MAD1L1: variants seen among roughly 807,000 people sequenced by gnomAD.
MAD1L1 encodes the protein mitotic arrest deficient 1 like 1, also known as mitotic spindle assembly checkpoint protein MAD1.
A neutral mutation model predicts 96.9 loss-of-function variants in MAD1L1; 95 were observed. That is an observed-to-expected ratio of 0.98 (90% CI 0.83 to 1.16). The LOEUF (loss-of-function observed/expected upper bound fraction) is 1.16, where lower values mean the gene tolerates loss of function less well. Ranked by LOEUF, MAD1L1 falls within the 50% of genes most tolerant of loss-of-function variation. The pLI is 0.00. For missense variants in MAD1L1, 1,007 were observed against 954.4 expected (o/e 1.06, Z -0.73); for synonymous variants, 473 against 396.6 (o/e 1.19, Z -2.29).
intron 11 of MAD1L1, among the ~76,000 whole-genome samples, chr7:2,082,048 GAA>G (rs1211058357): frequency 6.6e-6 from 1 of 152,178 alleles, no homozygotes; most frequent in Admixed American, 6.5e-5. Flanking sequence ...GAAGTGACAA[GAA>G]GAGATGTCAA....
At chr7:1,852,182 T>A (rs1784013400) in intron 18 of MAD1L1, among the ~76,000 whole-genome samples, 1 of 152,122 alleles carries the variant, frequency 6.6e-6, no homozygotes, top group Non-Finnish European at 1.5e-5. Context: ...GGACACAGGT[T>A]GGGATGGACG....
At chr7:2,105,790 A>C (rs1860829) in intron 11 of MAD1L1, among the ~76,000 whole-genome samples, 108,290 of 151,800 alleles carry the variant, frequency 0.71, 39,062 homozygotes, top group African/African-American at 0.79. Flanking sequence ...AAACCCCAGT[A>C]CCACCAGCTC....
intron 10 of MAD1L1, among the ~76,000 whole-genome samples, chr7:2,180,556 G>A (rs1791154480): frequency 6.6e-6 from 1 of 152,190 alleles, no homozygotes; most frequent in African/African-American, 2.4e-5. Context: ...GTGAGGTTTT[G>A]TAATAAAAAT....
At chr7:2,222,833 T>A in intron 4 of MAD1L1, 79 bp from the exon 5 acceptor site, 1 of 1,192,092 alleles carries the variant, frequency 8.4e-7, no homozygotes, top group Non-Finnish European at 1.2e-6. Context: ...CACACCTCTC[T>A]CAGAACATGC....
intron 16 of MAD1L1, chr7:1,939,995 C>CT (rs1321375432): frequency 6.6e-6 from 1 of 152,564 alleles, no homozygotes; most frequent in Non-Finnish European, 1.5e-5. Context: ...ACCCCGGACT[C>CT]TAAGACATCC....
chr7:2,121,602 T>G (rs1349802314), intron 11 of MAD1L1, among the ~76,000 whole-genome samples: 1 of 152,154 alleles, frequency 6.6e-6, no homozygotes, highest in African/African-American at 2.4e-5. Context: ...AGGACTATGC[T>G]GCAGATCACG....
At chr7:2,038,070 G>C (rs973369707) in intron 12 of MAD1L1, among the ~76,000 whole-genome samples, 1 of 152,214 alleles carries the variant, frequency 6.6e-6, no homozygotes, top group South Asian at 2.1e-4. Context: ...CGATAAGAAA[G>C]TGAAACTGTC....
intron 18 of MAD1L1, among the ~76,000 whole-genome samples, chr7:1,869,146 C>T (rs886160543): frequency 4.0e-4 from 61 of 152,256 alleles, no homozygotes; most frequent in African/African-American, 1.4e-3. Flanking sequence ...TCGCCCGCCC[C>T]CATGGCTGCC....
chr7:2,184,242 ACT>A (rs1791352128), intron 10 of MAD1L1, among the ~76,000 whole-genome samples: 1 of 151,816 alleles, frequency 6.6e-6, no homozygotes, highest in Admixed American at 6.6e-5. Flanking sequence ...ACAGAGCGAG[ACT>A]CTGTCTCAAA....
chr7:1,949,707 C>T (rs2128470627), intron 16 of MAD1L1, among the ~76,000 whole-genome samples: 1 of 152,344 alleles, frequency 6.6e-6, no homozygotes, highest in Admixed American at 6.5e-5. Flanking sequence ...GCAGATACGC[C>T]CAGGAACCAA....
In MAD1L1 at chr7:2,163,271, T is replaced by C. The variant is rs367927053; in HGVS notation, c.987-14033A>G. Among the ~76,000 whole-genome samples, 257 of 151,956 alleles carry C rather than the reference T, an allele frequency of 1.7e-3. 2 individuals carry two copies. Among genetic ancestry groups the C allele is most frequent in the African/African-American group, 5.6e-3 (232 of 41,426 alleles). On this transcript the variant is annotated intron_variant, in intron 10 of 18. Coordinates refer to ENST00000265854, the MANE Select transcript of MAD1L1 (RefSeq NM_001013836.2). ...AGAGCCCAGGGGCTTGCTCTGGGAGTGTGGGTTGGGGGCGTAATGGGATGG... is the reference window on the plus strand; with the variant it reads ...AGAGCCCAGGGGCTTGCTCTGGGAGCGTGGGTTGGGGGCGTAATGGGATGG...
At chr7:2,086,554 C>CT (rs1477570549) in intron 11 of MAD1L1, among the ~76,000 whole-genome samples, 16 of 151,744 alleles carry the variant, frequency 1.1e-4, no homozygotes, top group Admixed American at 8.5e-4. Flanking sequence ...TGCTCTTTTT[C>CT]TTTTTTTTTC....
At chr7:2,102,293 T>TGTCACCATCACCACCGTCACC (rs1562688738) in intron 11 of MAD1L1, among the ~76,000 whole-genome samples, 1 of 142,098 alleles carries the variant, frequency 7.0e-6, no homozygotes, top group Non-Finnish European at 1.5e-5. Context: ...CCACCGCCAC[T>TGTCACCATCACCACCGTCACC]GTCACCATCA....
At chr7:2,213,047 G>A (rs868619222) in intron 10 of MAD1L1, among the ~76,000 whole-genome samples, 165 bp downstream of exon 10, 10 of 152,334 alleles carry the variant, frequency 6.6e-5, no homozygotes, top group South Asian at 2.1e-4. Context: ...TGCCCCATCC[G>A]CTGGGAAAGG....
intron 15 of MAD1L1, among the ~76,000 whole-genome samples, chr7:1,966,853 GCTCCTTC>G (rs1336080519): frequency 6.6e-6 from 1 of 152,228 alleles, no homozygotes; most frequent in Non-Finnish European, 1.5e-5. Context: ...GCAGGGCAGA[GCTCCTTC>G]AGGAACACGA....
At position 1,836,580 on chromosome 7, in the gene MAD1L1, T is replaced by C. The variant is rs1407029413; in HGVS notation, c.1999-20352A>G. Among the ~76,000 whole-genome samples the C allele has an allele frequency of 5.3e-5, 8 of 152,288 alleles. No homozygotes were observed. In the East Asian group the frequency reaches 1.4e-3, roughly 26 times the overall value. On this transcript the variant is annotated intron_variant, in intron 18 of 18. Transcript: ENST00000265854. ...CCCGCACACTGAAAATGAGAACACA[T>C]TGCTGAGAGAAACTGTTCATAGATT...
chr7:2,052,547 C>T (rs1481813015), intron 12 of MAD1L1, among the ~76,000 whole-genome samples: 2 of 152,140 alleles, frequency 1.3e-5, no homozygotes, highest in African/African-American at 4.8e-5. Context: ...GGGCACCTGA[C>T]AGCTCCCTGG....
chr7:1,913,345 C>T (rs1219983943), intron 17 of MAD1L1, among the ~76,000 whole-genome samples: 3 of 151,802 alleles, frequency 2.0e-5, no homozygotes, highest in South Asian at 2.1e-4. Context: ...GCACTCCACC[C>T]GGAGGAAGCG....
chr7:1,939,075 G>A (rs1464799227), intron 16 of MAD1L1, among the ~76,000 whole-genome samples: 8 of 121,262 alleles, frequency 6.6e-5, no homozygotes, highest in South Asian at 2.9e-4. Flanking sequence ...GGCCAGAGCC[G>A]GGACCAGAGG....
Sources: gnomAD v4.1 joint callset for allele counts (sites outside exome capture counted in the v4.1 genomes callset) on GRCh38, gnomAD v4.1.1 for gene constraint, MANE v1.5 for transcripts, NCBI Gene and HGNC (gene_info 2026-07-23, HGNC 2026-07-21) for gene names.